CDYL2: variants seen among roughly 807,000 people sequenced by gnomAD.
The protein encoded by CDYL2 is chromodomain Y-like protein 2.
CDYL2 carries 23 observed loss-of-function variants against 49.4 expected under a neutral mutation model. That is an observed-to-expected ratio of 0.47 (90% confidence interval 0.34 to 0.66). CDYL2 has a LOEUF of 0.66. Ranked by LOEUF, CDYL2 falls within the 30% of genes least tolerant of loss-of-function variation. The probability of loss-of-function intolerance (pLI) is 0.01; values close to 1 mark genes in which losing one functional copy is unlikely to be tolerated. For synonymous variants in CDYL2, 360 were observed against 268.8 expected (o/e 1.34, Z -3.32); for missense variants, 678 against 656.4 (o/e 1.03, Z -0.36).
chr16:80,720,233 G>A (rs1490981473), intron 1 of CDYL2, among the ~76,000 whole-genome samples: 1 of 152,120 alleles, frequency 6.6e-6, no homozygotes, highest in African/African-American at 2.4e-5. Context: ...TCCCCTCTCT[G>A]TGGACATGCC....
chr16:80,720,929 G>A (rs971783884), intron 1 of CDYL2, among the ~76,000 whole-genome samples: 1 of 152,122 alleles, frequency 6.6e-6, no homozygotes, highest in African/African-American at 2.4e-5. Flanking sequence ...TTAAATAAGG[G>A]AATAGACTAA....
intron 1 of CDYL2, among the ~76,000 whole-genome samples, chr16:80,714,012 G>A (rs1342645371): frequency 6.6e-6 from 1 of 152,188 alleles, no homozygotes; most frequent in African/African-American, 2.4e-5. Flanking sequence ...GAACATTGTG[G>A]AGGAAAGACA....
At chr16:80,659,777 T>A (rs752478881) in intron 2 of CDYL2, among the ~76,000 whole-genome samples, 1 of 152,180 alleles carries the variant, frequency 6.6e-6, no homozygotes, top group Non-Finnish European at 1.5e-5. Context: ...ATCCTGCAGA[T>A]AAGAATCAAA....
In CDYL2 at chr16:80,753,680, C is replaced by T. The variant is rs979505140; in HGVS notation, c.24+50470G>A. Among the ~76,000 whole-genome samples the T allele has an allele frequency of 4.6e-5, 7 of 152,266 alleles. No homozygotes were observed. The South Asian group carries it at 1.2e-3, about 27-fold the overall frequency. On this transcript the variant is annotated intron_variant, in intron 1 of 6. Transcript: ENST00000570137. ...ACAATATACAAAACAATAAATCTTC[C>T]AGAAGGTAACATGGCAAAGTGCCTT...
At chr16:80,674,993 T>C (rs1348911385) in intron 2 of CDYL2, among the ~76,000 whole-genome samples, 1 of 152,240 alleles carries the variant, frequency 6.6e-6, no homozygotes, top group Non-Finnish European at 1.5e-5. Context: ...TGTGCATGTG[T>C]ATGTACATGC....
At chr16:80,653,808 G>A (rs1161936144) in intron 2 of CDYL2, among the ~76,000 whole-genome samples, 5 of 152,222 alleles carry the variant, frequency 3.3e-5, no homozygotes, top group African/African-American at 1.2e-4. Flanking sequence ...AGGCAAGCTT[G>A]AGAACTTCAA....
chr16:80,705,458 C>G (rs1280750423), intron 1 of CDYL2, among the ~76,000 whole-genome samples: 1 of 152,224 alleles, frequency 6.6e-6, no homozygotes, highest in Admixed American at 6.5e-5. Context: ...TTCTAGGGAG[C>G]CCATCTGCTT....
intron 1 of CDYL2, among the ~76,000 whole-genome samples, chr16:80,795,003 A>AT (rs1907727904): frequency 6.6e-6 from 1 of 152,216 alleles, no homozygotes; most frequent in Admixed American, 6.5e-5. Flanking sequence ...AATTTGACTG[A>AT]TGGATCATTA....
At chr16:80,749,343 T>A (rs1035775697) in intron 1 of CDYL2, among the ~76,000 whole-genome samples, 1 of 152,168 alleles carries the variant, frequency 6.6e-6, no homozygotes, top group Admixed American at 6.6e-5. Flanking sequence ...CCTATGGTAG[T>A]CACAACTTTT....
intron 2 of CDYL2, chr16:80,639,719 G>C (rs973789038): frequency 1.1e-5 from 5 of 455,930 alleles, no homozygotes; most frequent in African/African-American, 2.0e-5. Context: ...GAAGAGGTAA[G>C]AAAAACAGTC....
intron 3 of CDYL2, among the ~76,000 whole-genome samples, chr16:80,628,841 G>C (rs1005420308): frequency 6.6e-6 from 1 of 152,166 alleles, no homozygotes; most frequent in Non-Finnish European, 1.5e-5. Flanking sequence ...GTCTAATGGA[G>C]GAGGGGGGGG....
At chr16:80,697,456 G>C (rs1260037340) in intron 1 of CDYL2, among the ~76,000 whole-genome samples, 1 of 152,042 alleles carries the variant, frequency 6.6e-6, no homozygotes, top group Non-Finnish European at 1.5e-5. Context: ...CAAACCCACA[G>C]CCAACATCAC....
chr16:80,645,094 C>A (rs1394492980), intron 2 of CDYL2, among the ~76,000 whole-genome samples: 6 of 152,142 alleles, frequency 3.9e-5, no homozygotes, highest in Admixed American at 3.3e-4. Flanking sequence ...GACTTCATGT[C>A]TAAAACACCA....
intron 1 of CDYL2, among the ~76,000 whole-genome samples, chr16:80,754,268 G>A (rs1184987637): frequency 6.6e-6 from 1 of 152,148 alleles, no homozygotes; most frequent in Admixed American, 6.5e-5. Flanking sequence ...TGGTTCACCT[G>A]GAAAGAGGAG....
At chr16:80,706,352 T>C (rs1904403783) in intron 1 of CDYL2, among the ~76,000 whole-genome samples, 1 of 152,160 alleles carries the variant, frequency 6.6e-6, no homozygotes, top group Non-Finnish European at 1.5e-5. Flanking sequence ...ATCCGCTCAA[T>C]GCTGGCAGTG....
intron 1 of CDYL2, among the ~76,000 whole-genome samples, chr16:80,712,192 T>TGTATATATATATATATAG (rs201418906): frequency 6.1e-5 from 1 of 16,522 alleles, no homozygotes; most frequent in Non-Finnish European, 1.2e-4. Flanking sequence ...TCTGTGTGTG[T>TGTATATATATATATATAG]ATATATATAT....
intron 1 of CDYL2, among the ~76,000 whole-genome samples, chr16:80,745,064 C>T (rs978873680): frequency 6.6e-6 from 1 of 152,160 alleles, no homozygotes; most frequent in Non-Finnish European, 1.5e-5. Flanking sequence ...GGCCCTCCAT[C>T]GAGGAAGTGC....
intron 1 of CDYL2, among the ~76,000 whole-genome samples, chr16:80,701,623 A>T (rs1904301359): frequency 6.6e-6 from 1 of 152,210 alleles, no homozygotes; most frequent in South Asian, 2.1e-4. Flanking sequence ...ATAAACAACA[A>T]AATTCTACTG....
At chr16:80,660,485 C>T (rs1028294501) in intron 2 of CDYL2, among the ~76,000 whole-genome samples, 3 of 151,722 alleles carry the variant, frequency 2.0e-5, no homozygotes, top group African/African-American at 7.3e-5. Context: ...TCTGAGTCAG[C>T]CCAAGGAGAA....
Sources: allele counts gnomAD v4.1 joint callset (sites outside exome capture counted in the v4.1 genomes callset), GRCh38; gene constraint gnomAD v4.1.1; transcripts MANE v1.5; gene names NCBI Gene and HGNC (gene_info 2026-07-23, HGNC 2026-07-21).